SANBR: variants seen among roughly 807,000 people sequenced by gnomAD.
SANBR encodes SANT and BTB domain regulator of CSR, also known as SANT and BTB domain regulator of class switch recombination.
In SANBR, 77 loss-of-function variants were observed where a neutral mutation model predicts 101.8. The ratio of observed to expected loss-of-function variants is 0.76; its 90% CI spans 0.63 to 0.91. The LOEUF is 0.91. Among genes scored for constraint, SANBR ranks in the 40% least tolerant of loss-of-function variants. The pLI is 0.00. For synonymous variants in SANBR, 279 were observed against 274.7 expected, an observed-to-expected ratio of 1.02 and a Z score of -0.15; for missense variants, 875 against 853.0, an observed-to-expected ratio of 1.03 and a Z score of -0.32.
intron 6 of SANBR, among the ~76,000 whole-genome samples, chr2:61,080,364 A>G (rs1208558006): frequency 6.6e-6 from 1 of 152,184 alleles, no homozygotes; most frequent in African/African-American, 2.4e-5. Flanking sequence ...CCTAACTGGA[A>G]TGGGGTACAT....
chr2:61,085,625 C>T (rs893311415), intron 8 of SANBR, among the ~76,000 whole-genome samples: 1 of 152,052 alleles, frequency 6.6e-6, no homozygotes, highest in Non-Finnish European at 1.5e-5. Flanking sequence ...ATTCTCCTGC[C>T]TCAGCCTCCC....
downstream of SANBR, among the ~76,000 whole-genome samples, chr2:61,128,140 C>T (rs558012572): frequency 3.3e-5 from 5 of 152,016 alleles, no homozygotes; most frequent in South Asian, 1.0e-3. Flanking sequence ...GGCATGGTGG[C>T]ATGCACCTGT....
chr2:61,116,067 G>A lies in SANBR; in HGVS notation c.1833G>A (p.Glu611=). ...CCCAGAGGAAAGAAAAGGCATTGGA[G>A]AAGGTAACTCTGAATTATCTGTTGT... ...PCAQRKEKAL[E]KSASRDVSPF... The change falls in exon 17 of 22, where the codon GAG becomes GAA. Residue 611 remains glutamate, a synonymous_variant. Coordinates refer to ENST00000402291, the MANE Select transcript of SANBR (RefSeq NM_001129993.3). 1 of 1,597,182 alleles carries A rather than the reference G, an allele frequency of 6.3e-7. No homozygotes were observed. Among genetic ancestry groups the A allele is most frequent in the Non-Finnish European group, 8.6e-7 (1 of 1,169,514 alleles).
chr2:61,081,444 T>C lies in SANBR; in HGVS notation c.671-8T>C. The C allele has an allele frequency of 6.3e-7, 1 of 1,581,752 alleles. No homozygotes were observed. On this transcript the variant is annotated splice_region_variant and splice_polypyrimidine_tract_variant and intron_variant, in intron 6 of 21. Transcript: ENST00000402291. Reference sequence around the variant, plus strand: ...CAAAAGGGTAATCTAATTTTTTTTTTTTTTTAGAGCCAGGAAATGTCATTT... The same window carrying C: ...CAAAAGGGTAATCTAATTTTTTTTTCTTTTTAGAGCCAGGAAATGTCATTT...
At chr2:61,090,294 A>G (rs1682672257) in intron 10 of SANBR, 1 of 152,252 alleles carries the variant, frequency 6.6e-6, no homozygotes, top group Non-Finnish European at 1.5e-5. Flanking sequence ...TATATTACAA[A>G]TTTATAGCAC....
intron 16 of SANBR, among the ~76,000 whole-genome samples, chr2:61,112,013 T>C (rs1417163986): frequency 6.6e-6 from 1 of 152,246 alleles, no homozygotes; most frequent in Non-Finnish European, 1.5e-5. Context: ...TGTGAACATT[T>C]GCATACAAGT....
rs1410323103 is a variant in SANBR at position 61,123,368 on chromosome 2, G to A, written c.*1206G>A. 8.4e-5 allele frequency: 82 copies of A among 979,770 alleles called. No individual in the cohort carries two copies. Among genetic ancestry groups the A allele is most frequent in the Non-Finnish European group, 9.5e-5 (78 of 824,820 alleles). The allele number at this position is 979,770 out of a possible 1,614,324, so 60.7% of individuals were successfully genotyped here. Reference sequence around the variant, plus strand: ...TTGAAGTGTTACACTCAGTTTACACGTACAGAAATCATTCTTTTTAGTGAG... The same window carrying A: ...TTGAAGTGTTACACTCAGTTTACACATACAGAAATCATTCTTTTTAGTGAG... On this transcript the variant is annotated 3_prime_UTR_variant, in exon 22 of 22. Transcript: ENST00000402291.
intron 12 of SANBR, among the ~76,000 whole-genome samples, chr2:61,100,869 A>G (rs1488454949): frequency 2.0e-5 from 3 of 152,212 alleles, no homozygotes; most frequent in African/African-American, 7.2e-5. Flanking sequence ...ATGCCTGTTT[A>G]TATCACTCTC....
intron 1 of SANBR, 183 bp downstream of exon 1, chr2:61,066,210 G>C (rs1347446673): frequency 6.6e-6 from 1 of 152,586 alleles, no homozygotes; most frequent in Non-Finnish European, 1.5e-5. Context: ...CGAGCAGCCA[G>C]CTGGCCCGCG....
chr2:61,102,647 C>T (rs949851664), intron 12 of SANBR, among the ~76,000 whole-genome samples: 2 of 151,868 alleles, frequency 1.3e-5, no homozygotes, highest in African/African-American at 2.4e-5. Context: ...AAGCAATTCT[C>T]ATGCCTCAGC....
At chr2:61,089,729 A>G (rs1273652471) in intron 10 of SANBR, 1 of 152,332 alleles carries the variant, frequency 6.6e-6, no homozygotes, top group Non-Finnish European at 1.5e-5. Context: ...TGTTCAAAAC[A>G]AGTTCTCATT....
At chr2:61,102,912 G>A (rs1434581486) in intron 12 of SANBR, among the ~76,000 whole-genome samples, 1 of 152,042 alleles carries the variant, frequency 6.6e-6, no homozygotes, top group African/African-American at 2.4e-5. Context: ...ATATACTGCT[G>A]ATGGTAATAT....
intron 6 of SANBR, among the ~76,000 whole-genome samples, chr2:61,078,772 C>A (rs796468095): frequency 3.4e-4 from 52 of 152,206 alleles, no homozygotes; most frequent in African/African-American, 1.1e-3. Flanking sequence ...GGCATGGTGG[C>A]TCACACTGGT....
rs758612700 is a variant in SANBR at position 61,071,696 on chromosome 2, G to A, written c.241G>A (p.Val81Ile). 7 of 1,607,026 alleles carry A rather than the reference G, an allele frequency of 4.4e-6. No individual in the cohort carries two copies. In the African/African-American group the frequency reaches 8.1e-5, roughly 19 times the overall value. The change falls in exon 4 of 22, where the codon GTT becomes ATT. Residue 81 changes from valine (V) to isoleucine (I), a missense_variant. Val to Ile is a conservative substitution (Grantham distance 29). Coordinates refer to ENST00000402291, the MANE Select transcript of SANBR (RefSeq NM_001129993.3). ...CCTAATGGCTGCTGGAGAGAGTCCT[G>A]TTGAAACTTTAGCCACATATATCAA... ...NSLMAAGESPVETLATYIKSS... is the reference protein window; with the variant it reads ...NSLMAAGESPIETLATYIKSS...
chr2:61,083,418 A>G (rs1255604094), intron 8 of SANBR, 104 bp downstream of exon 8: 3 of 826,226 alleles, frequency 3.6e-6, no homozygotes, highest in Non-Finnish European at 5.6e-6. Flanking sequence ...TTTCTTTGAG[A>G]AAGGTTCTCA....
At chr2:61,088,332 G>T in intron 9 of SANBR, 26 bp from the exon 10 acceptor site, 4 of 1,570,432 alleles carry the variant, frequency 2.5e-6, no homozygotes, top group Middle Eastern at 1.7e-4. Context: ...CTTCCTGGAT[G>T]TTTTTTGTAT....
intron 2 of SANBR, among the ~76,000 whole-genome samples, chr2:61,070,106 T>C (rs1681382686): frequency 6.6e-6 from 1 of 152,248 alleles, no homozygotes. Context: ...TTTAGGCTTT[T>C]TATCGTATAT....
intron 5 of SANBR, among the ~76,000 whole-genome samples, chr2:61,074,437 C>T (rs1357864331): frequency 2.6e-5 from 4 of 152,168 alleles, no homozygotes; most frequent in Non-Finnish European, 5.9e-5. Context: ...GAGACAAAGT[C>T]TCACGCTGTC....
intron 1 of SANBR, among the ~76,000 whole-genome samples, chr2:61,067,684 C>T (rs1053578473): frequency 2.6e-5 from 4 of 152,068 alleles, no homozygotes; most frequent in Admixed American, 6.6e-5. Context: ...TGCAGTGAGC[C>T]GAGATCGCGC....
Sources: gnomAD v4.1 joint callset for allele counts (sites outside exome capture counted in the v4.1 genomes callset) on GRCh38, gnomAD v4.1.1 for gene constraint, MANE v1.5 for transcripts, NCBI Gene and HGNC (gene_info 2026-07-23, HGNC 2026-07-21) for gene names.